Variants in JAG2 observed in about 807,000 individuals in gnomAD.
JAG2 encodes the protein jagged canonical Notch ligand 2.
In JAG2, 46 loss-of-function variants were observed where a neutral mutation model predicts 141.7. The observed-to-expected ratio is 0.32, with a 90% CI of 0.26 to 0.42. The LOEUF is 0.42. JAG2 is among the 10% of genes least tolerant of loss of function. The pLI, the probability that JAG2 is intolerant of heterozygous loss-of-function variation, is 1.00. For synonymous variants in JAG2, 862 were observed against 763.5 expected (o/e 1.13, Z -2.13); for missense variants, 1,500 against 1,817.5 (o/e 0.83, Z 3.18).
chr14:105,147,747 C>G (rs1315276141), intron 18 of JAG2, 25 bp downstream of exon 18: 1 of 1,483,012 alleles, frequency 6.7e-7, no homozygotes, highest in East Asian at 2.5e-5. Flanking sequence ...AAAGCGGCCC[C>G]CGCCCACACC....
chr14:105,144,706 C>T (rs979983968), intron 24 of JAG2, among the ~76,000 whole-genome samples: 1 of 152,182 alleles, frequency 6.6e-6, no homozygotes, highest in African/African-American at 2.4e-5. Flanking sequence ...GCAGGGGAAG[C>T]GGGCTCCACA....
At position 105,142,900 on chromosome 14, in the gene JAG2, T is replaced by TGGCC. The variant is rs749173800; in HGVS notation, c.3508_3511dup (p.His1171ArgfsTer9). On this transcript the variant is annotated frameshift_variant, in exon 26 of 26. Transcript: ENST00000331782. LOFTEE classifies it low-confidence loss of function (END_TRUNC). The stretch of plus-strand genomic sequence containing the variant: ...CTCCTCATCCTCCCTGACGGCCGCG[T>TGGCC]GGCCGGCCGGCCCGGGCAGCGCCTC... 1 of 1,602,606 alleles carries TGGCC rather than the reference T, an allele frequency of 6.2e-7. No homozygotes were observed. The highest frequency in any genetic ancestry group is 8.5e-7 in the Non-Finnish European group (1 of 1,174,726).
In JAG2 at chr14:105,142,182, T is replaced by C. The variant is rs779325015; in HGVS notation, c.*513A>G. ...ATAACCAGGGTCCCACCGACCACCGTAGGTCCCACCGACAGCCACAGGTCC... is the reference window on the plus strand; with the variant it reads ...ATAACCAGGGTCCCACCGACCACCGCAGGTCCCACCGACAGCCACAGGTCC... On this transcript the variant is annotated 3_prime_UTR_variant, in exon 26 of 26. Coordinates refer to ENST00000331782, the MANE Select transcript of JAG2 (RefSeq NM_002226.5). 2.5e-5 allele frequency: 4 copies of C among 160,872 alleles called. No homozygotes were observed. Among genetic ancestry groups the C allele is most frequent in the East Asian group, 1.9e-4 (1 of 5,234 alleles). The allele number at this position is 160,872 out of a possible 1,614,324, so 10.0% of individuals were successfully genotyped here.
intron 2 of JAG2, among the ~76,000 whole-genome samples, chr14:105,162,255 A>C (rs587716677): frequency 2.0e-5 from 3 of 152,120 alleles, no homozygotes; most frequent in Non-Finnish European, 2.9e-5. Flanking sequence ...GGCCCAGCTA[A>C]GCCTCTCCCT....
intron 2 of JAG2, among the ~76,000 whole-genome samples, chr14:105,164,825 T>C (rs1268965552): frequency 6.6e-6 from 1 of 152,108 alleles, no homozygotes; most frequent in Non-Finnish European, 1.5e-5. Flanking sequence ...AGACCTGCAA[T>C]GAAAAAGCGG....
chr14:105,149,352 G>A (rs1888340354), intron 12 of JAG2, 32 bp from the exon 13 acceptor site: 2 of 1,612,012 alleles, frequency 1.2e-6, no homozygotes, highest in Non-Finnish European at 1.7e-6. Flanking sequence ...TGAGAGCCTA[G>A]GCCCAGGCCC....
At chr14:105,164,164 AC>A (rs1430335466) in intron 2 of JAG2, among the ~76,000 whole-genome samples, 1 of 144,364 alleles carries the variant, frequency 6.9e-6, no homozygotes, top group Non-Finnish European at 1.5e-5. Flanking sequence ...ACCCTCAGGG[AC>A]CAGCGACAAA....
Position 105,152,254 on chromosome 14 carries a change from A to T in JAG2, c.826T>A (p.Cys276Ser). Reference sequence around the variant, plus strand: ...TGCACGCAGCCGGGGTAGGGGACACACTCATCGCAGAACCTCCCTTGCCAG... The same window carrying T: ...TGCACGCAGCCGGGGTAGGGGACACTCTCATCGCAGAACCTCCCTTGCCAG... ...YGWQGRFCDE[C>S]VPYPGCVHGS... is the part of the protein sequence containing the mutation. The change falls in exon 6 of 26, where the codon TGT becomes AGT. Residue 276 changes from cysteine to serine, a missense_variant. Physicochemically the swap from Cys to Ser is moderately radical, Grantham distance 112. Around this residue, in one of 3 missense-constraint regions of JAG2, gnomAD observed 875 missense variants for 1,202.2 expected, o/e 0.73. Coordinates refer to ENST00000331782, the MANE Select transcript of JAG2 (RefSeq NM_002226.5). 6.2e-7 allele frequency: 1 copy of T among 1,613,174 alleles called. No individual in the cohort carries two copies.
At chr14:105,152,531 G>T (rs1888468401) in intron 5 of JAG2, among the ~76,000 whole-genome samples, 1 of 152,204 alleles carries the variant, frequency 6.6e-6, no homozygotes, top group East Asian at 1.9e-4. Context: ...TCCTCCCTGA[G>T]CTATTTTGGG....
intron 18 of JAG2, 99 bp downstream of exon 18, chr14:105,147,673 G>C: frequency 9.2e-7 from 1 of 1,088,412 alleles, no homozygotes; most frequent in South Asian, 1.3e-5. Context: ...GGGGCAGCAG[G>C]GGGAGGGGCT....
At chr14:105,153,322 A>T (rs1352294817) in intron 5 of JAG2, among the ~76,000 whole-genome samples, 1 of 152,254 alleles carries the variant, frequency 6.6e-6, no homozygotes, top group African/African-American at 2.4e-5. Context: ...TCCAGTATCC[A>T]GCCCAGCATG....
rs1041364873 is a variant in JAG2 at position 105,161,730 on chromosome 14, T to C, written c.418-3967A>G. Among the ~76,000 whole-genome samples the C allele has an allele frequency of 4.6e-5, 7 of 151,654 alleles. No homozygotes were observed. In the South Asian group the frequency reaches 1.2e-3, roughly 27 times the overall value. ...CTCCAGGACTTATTTGCCTCTTCTGTGAATAACAACCTCTCACCCCCGTCC... is the reference window on the plus strand; with the variant it reads ...CTCCAGGACTTATTTGCCTCTTCTGCGAATAACAACCTCTCACCCCCGTCC... On this transcript the variant is annotated intron_variant, in intron 2 of 25. Coordinates refer to ENST00000331782, the MANE Select transcript of JAG2 (RefSeq NM_002226.5).
chr14:105,167,720 G>C lies in JAG2; in HGVS notation c.417+37C>G, dbSNP rs1451640624. On this transcript the variant is annotated intron_variant, in intron 2 of 25. Transcript: ENST00000331782. The surrounding 1 kb of genome is among the most constrained non-coding windows in gnomAD (Gnocchi z 4.8). ...CGCGGGGCCGGGGCGCGGAGAGAGA[G>C]GGAAGGGCTGGAGCACGAGGGATGG... is the stretch of plus-strand genomic sequence containing the variant. 3 of 1,409,646 alleles carry C rather than the reference G, an allele frequency of 2.1e-6. No homozygotes were observed. The highest frequency in any genetic ancestry group is 1.8e-6 in the Non-Finnish European group (2 of 1,081,218). The allele number at this position is 1,409,646 out of a possible 1,614,324, so 87.3% of individuals were successfully genotyped here.
intron 3 of JAG2, among the ~76,000 whole-genome samples, chr14:105,156,974 T>C (rs1056732250): frequency 1.3e-5 from 2 of 151,950 alleles, no homozygotes; most frequent in African/African-American, 4.8e-5. Context: ...CAGGATGCCC[T>C]GGCCCCGCTC....
At chr14:105,149,542 GCC>G (rs1367371491) in intron 12 of JAG2, among the ~76,000 whole-genome samples, 17 of 151,966 alleles carry the variant, frequency 1.1e-4, no homozygotes, top group Non-Finnish European at 1.8e-4. Flanking sequence ...CTCCACTGCA[GCC>G]CAGCTTCCTC....
rs1421398718 is a variant in JAG2 at position 105,141,696 on chromosome 14, C to T, written c.*999G>A. On this transcript the variant is annotated 3_prime_UTR_variant, in exon 26 of 26. Coordinates refer to ENST00000331782, the MANE Select transcript of JAG2 (RefSeq NM_002226.5). ...CGTGGCTCTCCCCCAACCTCACTCT[C>T]AATACAAAAGGGACAGCACCGAAAG... 1 of 152,402 alleles carries T rather than the reference C, an allele frequency of 6.6e-6. No homozygotes were observed. The highest frequency in any genetic ancestry group is 1.5e-5 in the Non-Finnish European group (1 of 68,126). 9.4% of individuals were successfully genotyped at this position (152,402 alleles called of 1,614,324 possible).
At chr14:105,153,298 G>A (rs1437780547) in intron 5 of JAG2, among the ~76,000 whole-genome samples, 3 of 152,226 alleles carry the variant, frequency 2.0e-5, no homozygotes, top group Non-Finnish European at 2.9e-5. Context: ...AACTGAGGCC[G>A]GGAAGAACGT....
rs747776844 is a variant in JAG2 at position 105,166,464 on chromosome 14, G to A, written c.417+1293C>T. On this transcript the variant is annotated intron_variant, in intron 2 of 25. Transcript: ENST00000331782. ...CAACTGCCTGGGCCCTCCCATGCCCGCCCCTGCCTTTTCCATCTGGGGGAC... is the reference window on the plus strand; with the variant it reads ...CAACTGCCTGGGCCCTCCCATGCCCACCCCTGCCTTTTCCATCTGGGGGAC... 3.5e-4 allele frequency among the ~76,000 whole-genome samples: 53 copies of A among 152,354 alleles called. 1 individual carries two copies. The highest frequency in any genetic ancestry group is 5.6e-4 in the Non-Finnish European group (38 of 68,026).
Position 105,161,470 on chromosome 14 carries a change from GC to G in JAG2, c.418-3708del, listed in dbSNP as rs370222971. Among the ~76,000 whole-genome samples the G allele has an allele frequency of 1.0e-3, 157 of 152,296 alleles. 2 individuals are homozygous for G. The highest frequency in any genetic ancestry group is 3.5e-3 in the African/African-American group (144 of 41,566). ...TCGACTCCCAGGAAACCTCATGCCA[GC>G]CACTCAGGTAAGATTACTGCCACCT... On this transcript the variant is annotated intron_variant, in intron 2 of 25. Transcript: ENST00000331782.
Sources: gnomAD v4.1 joint callset for allele counts (sites outside exome capture counted in the v4.1 genomes callset) on GRCh38, gnomAD v4.1.1 for gene constraint, gnomAD v4.1.1 regional missense constraint, Gnocchi (gnomAD v3.1) non-coding constraint, MANE v1.5 for transcripts, NCBI Gene and HGNC (gene_info 2026-07-23, HGNC 2026-07-21) for gene names.